Variants in PTPRG observed in about 807,000 individuals in gnomAD.
PTPRG encodes protein tyrosine phosphatase receptor type G.
PTPRG carries 102 observed loss-of-function variants against 165.3 expected under a neutral mutation model. The ratio of observed to expected loss-of-function variants is 0.62; its 90% CI spans 0.53 to 0.73. The LOEUF (loss-of-function observed/expected upper bound fraction) is 0.73. PTPRG is among the 30% of genes least tolerant of loss of function. The probability of loss-of-function intolerance (pLI) is 0.00; values close to 1 mark genes in which losing one functional copy is unlikely to be tolerated. For synonymous variants in PTPRG, 675 were observed against 669.5 expected (o/e 1.01, Z -0.13); for missense variants, 1,866 against 1,861.4 (o/e 1.00, Z -0.05).
intron 2 of PTPRG, among the ~76,000 whole-genome samples, chr3:61,809,943 C>T (rs1308687275): frequency 6.6e-6 from 1 of 152,186 alleles, no homozygotes; most frequent in Non-Finnish European, 1.5e-5. Flanking sequence ...CCAGAAGTCC[C>T]ATTGCATACT....
chr3:62,152,790 C>G (rs1231501284), intron 6 of PTPRG, among the ~76,000 whole-genome samples: 2 of 152,206 alleles, frequency 1.3e-5, no homozygotes, highest in Non-Finnish European at 1.5e-5. Flanking sequence ...CCCCACAGGT[C>G]TGGCTATGGC....
intron 2 of PTPRG, among the ~76,000 whole-genome samples, chr3:61,814,319 A>G (rs1005911894): frequency 2.6e-5 from 4 of 152,206 alleles, no homozygotes; most frequent in Admixed American, 6.5e-5. Flanking sequence ...CTCTTTCACC[A>G]TCTTACTAAA....
At chr3:62,107,297 A>G (rs1702506223) in intron 5 of PTPRG, among the ~76,000 whole-genome samples, 1 of 152,376 alleles carries the variant, frequency 6.6e-6, no homozygotes, top group Non-Finnish European at 1.5e-5. Flanking sequence ...TAATATGATT[A>G]GTCACCTCCT....
At chr3:62,243,284 G>C (rs1701206401) in intron 14 of PTPRG, among the ~76,000 whole-genome samples, 1 of 152,090 alleles carries the variant, frequency 6.6e-6, no homozygotes, top group East Asian at 1.9e-4. Context: ...GATTCTGAGT[G>C]CTTGCCTTCC....
intron 28 of PTPRG, among the ~76,000 whole-genome samples, chr3:62,284,789 G>C (rs183492688): frequency 6.6e-6 from 1 of 152,092 alleles, no homozygotes; most frequent in Non-Finnish European, 1.5e-5. Context: ...CTCCAAGTCT[G>C]ATTGGCCACC....
intron 17 of PTPRG, among the ~76,000 whole-genome samples, chr3:62,265,896 T>TACACACACACACACACACACCC (rs1553662685): frequency 3.1e-5 from 4 of 130,528 alleles, no homozygotes; most frequent in Non-Finnish European, 4.9e-5. Context: ...GTGCCTTATA[T>TACACACACACACACACACACCC]ACACACACAC....
intron 2 of PTPRG, among the ~76,000 whole-genome samples, chr3:61,807,923 A>G (rs2035463920): frequency 6.6e-6 from 1 of 152,198 alleles, no homozygotes; most frequent in Admixed American, 6.5e-5. Flanking sequence ...GCACTCTGAC[A>G]TATGGTTCAA....
intron 16 of PTPRG, 104 bp from the exon 17 acceptor site, chr3:62,262,694 G>A (rs180779890): frequency 6.6e-6 from 4 of 605,428 alleles, no homozygotes; most frequent in African/African-American, 3.9e-5. Flanking sequence ...AGAAGGTAAC[G>A]GTGGCTGTGG....
At position 61,673,993 on chromosome 3, in the gene PTPRG, G is replaced by GAC. The variant is rs369313997; in HGVS notation, c.86-74881_86-74880dup. ...GGGAGTTGAACAAAGAGAAAACATG[G>GAC]ACACATGGAGGGGAACATCACACAC... On this transcript the variant is annotated intron_variant, in intron 1 of 29. Transcript: ENST00000474889. 2.0e-3 allele frequency among the ~76,000 whole-genome samples: 288 copies of GAC among 140,668 alleles called. 2 individuals carry two copies. Among genetic ancestry groups the GAC allele is most frequent in the African/African-American group, 6.9e-3 (272 of 39,234 alleles). 92.3% of individuals were successfully genotyped at this position (140,668 alleles called of 152,430 possible).
intron 4 of PTPRG, among the ~76,000 whole-genome samples, chr3:62,058,953 G>T (rs1280911355): frequency 1.3e-5 from 2 of 152,140 alleles, no homozygotes; most frequent in Non-Finnish European, 2.9e-5. Flanking sequence ...AGGAGATGGG[G>T]ACTCTACCAC....
intron 4 of PTPRG, among the ~76,000 whole-genome samples, chr3:62,021,092 C>A (rs1035470796): frequency 3.3e-5 from 5 of 151,854 alleles, no homozygotes; most frequent in African/African-American, 1.2e-4. Flanking sequence ...CTTGTTCCCT[C>A]ATCAGTAAAA....
intron 2 of PTPRG, among the ~76,000 whole-genome samples, chr3:61,968,696 C>A (rs1222509928): frequency 6.6e-6 from 1 of 152,050 alleles, no homozygotes; most frequent in African/African-American, 2.4e-5. Flanking sequence ...TTGACTTTGG[C>A]CTATTCATTT....
chr3:62,115,627 T>A (rs982256648), intron 5 of PTPRG, among the ~76,000 whole-genome samples: 13 of 151,990 alleles, frequency 8.6e-5, no homozygotes, highest in African/African-American at 3.1e-4. Context: ...TATAGATTGA[T>A]CCAAGGCACA....
At chr3:61,782,232 G>A (rs1029133754) in intron 2 of PTPRG, among the ~76,000 whole-genome samples, 24 of 152,164 alleles carry the variant, frequency 1.6e-4, no homozygotes, top group African/African-American at 5.8e-4. Context: ...CCTTTGGCTT[G>A]CATTAAACTT....
At chr3:62,186,620 A>T (rs1705899658) in intron 8 of PTPRG, among the ~76,000 whole-genome samples, 1 of 141,102 alleles carries the variant, frequency 7.1e-6, no homozygotes, top group Non-Finnish European at 1.5e-5. Context: ...AGGCTGGAGC[A>T]CAGTGGCATG....
intron 4 of PTPRG, among the ~76,000 whole-genome samples, chr3:62,032,628 G>C (rs1233279667): frequency 6.6e-6 from 1 of 152,072 alleles, no homozygotes; most frequent in African/African-American, 2.4e-5. Flanking sequence ...ATTTACTCCT[G>C]AGTTATAAAT....
Position 61,791,644 on chromosome 3 carries a change from C to A in PTPRG, c.190+42662C>A, listed in dbSNP as rs141149188. On this transcript the variant is annotated intron_variant, in intron 2 of 29. Transcript: ENST00000474889. Reference sequence around the variant, plus strand: ...CTGGAATTACAGACATGTGCCACCACGCCTGGCTAATGTTTATATTTTCAG... The same window carrying A: ...CTGGAATTACAGACATGTGCCACCAAGCCTGGCTAATGTTTATATTTTCAG... Among the ~76,000 whole-genome samples the A allele has an allele frequency of 3.9e-3, 587 of 152,274 alleles. 2 individuals carry two copies. The highest frequency in any genetic ancestry group is 6.6e-3 in the Non-Finnish European group (446 of 68,022).
chr3:62,224,832 GAC>G lies in PTPRG; in HGVS notation c.2288+5852_2288+5853del, dbSNP rs758100692. On this transcript the variant is annotated intron_variant, in intron 13 of 29. Coordinates refer to ENST00000474889, the MANE Select transcript of PTPRG (RefSeq NM_002841.4). The surrounding 1 kb of genome is among the most constrained non-coding windows in gnomAD (Gnocchi z 4.9). ...TTTTTAGCTGAGCTGTTTCAGGTAGGACACTATAGTTCTCCCTTGAATGTCCC... is the reference window on the plus strand; with the variant it reads ...TTTTTAGCTGAGCTGTTTCAGGTAGGACTATAGTTCTCCCTTGAATGTCCC... Among the ~76,000 whole-genome samples the G allele has an allele frequency of 2.0e-5, 3 of 152,166 alleles. No individual in the cohort carries two copies. Among genetic ancestry groups the G allele is most frequent in the Non-Finnish European group, 4.4e-5 (3 of 68,036 alleles).
At chr3:62,188,244 A>C (rs138483136) in intron 8 of PTPRG, among the ~76,000 whole-genome samples, 2 of 152,106 alleles carry the variant, frequency 1.3e-5, no homozygotes, top group Admixed American at 1.3e-4. Flanking sequence ...GTGTGGTGGT[A>C]TGCACCTGTA....
Sources: allele counts gnomAD v4.1 joint callset (sites outside exome capture counted in the v4.1 genomes callset), GRCh38; gene constraint gnomAD v4.1.1; non-coding constraint Gnocchi (gnomAD v3.1); transcripts MANE v1.5; gene names NCBI Gene and HGNC (gene_info 2026-07-23, HGNC 2026-07-21).